The following NELL2 variants were observed in gnomAD, a reference collection of about 807,000 sequenced individuals.
The protein encoded by NELL2 is protein kinase C-binding protein NELL2.
A neutral mutation model predicts 109.6 loss-of-function variants in NELL2; 41 were observed. That is an observed-to-expected ratio of 0.37 (90% confidence interval 0.29 to 0.49). NELL2 has a LOEUF of 0.49. Ranked by LOEUF, NELL2 falls within the 20% of genes least tolerant of loss-of-function variation. The pLI, the probability that NELL2 is intolerant of heterozygous loss-of-function variation, is 0.98. For missense variants in NELL2, 900 were observed against 1,008.3 expected, an observed-to-expected ratio of 0.89 and a Z score of 1.45; for synonymous variants, 355 against 344.7, an observed-to-expected ratio of 1.03 and a Z score of -0.33.
At chr12:44,533,495 A>T (rs1028003385) in intron 15 of NELL2, among the ~76,000 whole-genome samples, 1 of 152,178 alleles carries the variant, frequency 6.6e-6, no homozygotes, top group East Asian at 1.9e-4. Flanking sequence ...ATGGGATTTA[A>T]CCAAAGTCAC....
chr12:44,651,565 G>A lies in NELL2; in HGVS notation c.1444+13919C>T, dbSNP rs576902302. On this transcript the variant is annotated intron_variant, in intron 13 of 19. Coordinates refer to ENST00000429094, the MANE Select transcript of NELL2 (RefSeq NM_001145108.2). ...AAAGGAAAACTAATGCAGATGATTC[G>A]ACATTTATTGAAGTGTCTACTGGTT... 9.3e-4 allele frequency among the ~76,000 whole-genome samples: 142 copies of A among 152,136 alleles called. 3 individuals carry two copies. The Middle Eastern group carries it at 0.034, about 36-fold the overall frequency.
Position 44,508,451 on chromosome 12 carries a change from T to C in NELL2, c.*483A>G, listed in dbSNP as rs1940826973. ...TATTTTTATCATTACAATAACTTGT[T>C]TCAGATTTCTTTTCAGAGTGTACTG... On this transcript the variant is annotated 3_prime_UTR_variant, in exon 20 of 20. Coordinates refer to ENST00000429094, the MANE Select transcript of NELL2 (RefSeq NM_001145108.2). 6.5e-6 allele frequency: 1 copy of C among 152,824 alleles called. No individual in the cohort carries two copies. 9.5% of individuals were successfully genotyped at this position (152,824 alleles called of 1,614,324 possible). A position where few individuals can be genotyped will look rare whatever the true frequency, so the allele number is the denominator to read the frequency against.
chr12:44,875,115 A>C, intron 2 of NELL2, 110 bp downstream of exon 2: 1 of 1,416,168 alleles, frequency 7.1e-7, no homozygotes, highest in Non-Finnish European at 9.4e-7. Context: ...ACCTCAGCTA[A>C]AGTACTGTCA....
At chr12:44,763,909 T>G (rs1036290284) in intron 9 of NELL2, among the ~76,000 whole-genome samples, 30 of 152,240 alleles carry the variant, frequency 2.0e-4, no homozygotes, top group African/African-American at 7.2e-4. Context: ...GGAGTACTAA[T>G]AGTTAACAAG....
chr12:44,830,783 G>A (rs772629461), intron 2 of NELL2, among the ~76,000 whole-genome samples: 1 of 151,886 alleles, frequency 6.6e-6, no homozygotes, highest in Non-Finnish European at 1.5e-5. Flanking sequence ...ACAAAGTTGA[G>A]CTTCTGCTTC....
intron 3 of NELL2, among the ~76,000 whole-genome samples, chr12:44,808,048 C>T (rs1345753766): frequency 1.3e-5 from 2 of 152,064 alleles, no homozygotes; most frequent in Non-Finnish European, 2.9e-5. Context: ...TGGAAATATT[C>T]TTGGTCCTCT....
Position 44,575,013 on chromosome 12 carries a change from C to A in NELL2, c.1663+32156G>T, listed in dbSNP as rs559601752. Reference sequence around the variant, plus strand: ...TGCATCCTGTTTGCTGTATGTGTCTCATCTAACATACATGTATTTTACTTA... The same window carrying A: ...TGCATCCTGTTTGCTGTATGTGTCTAATCTAACATACATGTATTTTACTTA... On this transcript the variant is annotated intron_variant, in intron 15 of 19. Coordinates refer to ENST00000429094, the MANE Select transcript of NELL2 (RefSeq NM_001145108.2). Among the ~76,000 whole-genome samples, 49 of 150,894 alleles carry A rather than the reference C, an allele frequency of 3.2e-4. No individual in the cohort carries two copies. The South Asian group carries it at 9.7e-3, about 30-fold the overall frequency.
chr12:44,591,386 C>A (rs1205105262), intron 15 of NELL2, among the ~76,000 whole-genome samples: 1 of 152,014 alleles, frequency 6.6e-6, no homozygotes, highest in Admixed American at 6.6e-5. Context: ...AGGTGCCCAA[C>A]AACAGATGAA....
intron 2 of NELL2, among the ~76,000 whole-genome samples, chr12:44,865,829 A>AAAAAT (rs1336050735): frequency 6.6e-5 from 10 of 151,060 alleles, no homozygotes; most frequent in Non-Finnish European, 1.5e-4. Context: ...AAAAAATTAA[A>AAAAAT]AAAAAAAAGT....
chr12:44,658,891 A>AG, intron 13 of NELL2, among the ~76,000 whole-genome samples: 1 of 150,800 alleles, frequency 6.6e-6, no homozygotes, highest in African/African-American at 2.4e-5. Context: ...AAAAAAAAAA[A>AG]AAAAAAAAGA....
chr12:44,792,448 G>A (rs529096404), intron 3 of NELL2, among the ~76,000 whole-genome samples: 6 of 151,760 alleles, frequency 4.0e-5, no homozygotes, highest in African/African-American at 1.5e-4. Context: ...AAAGAGAAAA[G>A]AAACTGGAAT....
intron 9 of NELL2, among the ~76,000 whole-genome samples, chr12:44,722,326 C>A (rs1938822174): frequency 6.6e-6 from 1 of 151,994 alleles, no homozygotes; most frequent in Admixed American, 6.6e-5. Context: ...CCAAAATGCC[C>A]CACTAATTTT....
At chr12:44,909,736 G>GAC (rs1945758000) in intron 1 of NELL2, among the ~76,000 whole-genome samples, 1 of 137,750 alleles carries the variant, frequency 7.3e-6, no homozygotes, top group African/African-American at 3.0e-5. Context: ...GTGACACACA[G>GAC]ACACAGACAC....
chr12:44,850,380 T>C (rs1304909960), intron 2 of NELL2, among the ~76,000 whole-genome samples: 2 of 152,136 alleles, frequency 1.3e-5, no homozygotes, highest in African/African-American at 4.8e-5. Flanking sequence ...GTGACAAGGA[T>C]GTCTATTCCA....
chr12:44,683,442 A>T (rs1214033112), intron 12 of NELL2, among the ~76,000 whole-genome samples: 1 of 151,256 alleles, frequency 6.6e-6, no homozygotes, highest in Non-Finnish European at 1.5e-5. Flanking sequence ...CCTGGCCAGA[A>T]ACTCCAACAC....
chr12:44,821,131 T>A (rs1332792714), intron 2 of NELL2, among the ~76,000 whole-genome samples: 1 of 152,194 alleles, frequency 6.6e-6, no homozygotes, highest in African/African-American at 2.4e-5. Flanking sequence ...TGCAAAATTT[T>A]ATAATAATAT....
chr12:44,755,554 T>A (rs1177942859), intron 9 of NELL2, among the ~76,000 whole-genome samples: 1 of 152,114 alleles, frequency 6.6e-6, no homozygotes, highest in Non-Finnish European at 1.5e-5. Context: ...ACCTCCACTT[T>A]ACCTGTATAG....
chr12:44,631,519 A>T (rs1370430882), intron 13 of NELL2, among the ~76,000 whole-genome samples: 1 of 152,054 alleles, frequency 6.6e-6, no homozygotes, highest in Non-Finnish European at 1.5e-5. Context: ...AACAGCGGAC[A>T]CTGGGGTCTA....
rs1029427315 is a variant in NELL2, at chr12:44,607,183, G to C, written c.1649C>G (p.Pro550Arg). The stretch of plus-strand genomic sequence containing the variant: ...GATATTCTTACCCGTTTCACAGCTG[G>C]GTCCAGTGAAGCCTTGTGGGCAGGC... The part of the protein sequence containing the change: ...VCACPQGFTG[P>R]SCETDIDECS... The change falls in exon 15 of 20, where the codon CCC becomes CGC. Residue 550 changes from proline to arginine, a missense_variant. By Grantham distance (103) the Pro-to-Arg change is moderately radical. This residue lies in a region of NELL2 where 333 missense variants were observed against 432.3 expected (regional missense o/e 0.77). Coordinates refer to ENST00000429094, the MANE Select transcript of NELL2 (RefSeq NM_001145108.2). 11 of 1,611,628 alleles carry C rather than the reference G, an allele frequency of 6.8e-6. No homozygotes were observed. Among genetic ancestry groups the C allele is most frequent in the Non-Finnish European group, 9.3e-6 (11 of 1,178,650 alleles).
Sources: allele counts gnomAD v4.1 joint callset (sites outside exome capture counted in the v4.1 genomes callset), GRCh38; gene constraint gnomAD v4.1.1; regional missense constraint gnomAD v4.1.1; transcripts MANE v1.5; gene names NCBI Gene and HGNC (gene_info 2026-07-23, HGNC 2026-07-21).